GRIP1: variants seen among roughly 807,000 people sequenced by gnomAD.
GRIP1 encodes the protein glutamate receptor interacting protein 1, also known as glutamate receptor-interacting protein 1.
Under a neutral mutation model 129.9 loss-of-function variants are expected in GRIP1, and 45 were observed. The ratio of observed to expected loss-of-function variants is 0.35; its 90% CI spans 0.27 to 0.44. The LOEUF is 0.44. GRIP1 is among the 20% of genes least tolerant of loss of function. The pLI is 1.00. For missense variants in GRIP1, 1,196 were observed against 1,396.8 expected, an observed-to-expected ratio of 0.86 and a Z score of 2.29; for synonymous variants, 530 against 520.8, an observed-to-expected ratio of 1.02 and a Z score of -0.24.
At chr12:66,820,725 C>T (rs928504607) in intron 1 of GRIP1, among the ~76,000 whole-genome samples, 1 of 151,636 alleles carries the variant, frequency 6.6e-6, no homozygotes, top group Non-Finnish European at 1.5e-5. Context: ...AAATTCAATG[C>T]TATTACTAAG....
chr12:66,802,288 G>A (rs950694176), intron 1 of GRIP1, among the ~76,000 whole-genome samples: 1 of 152,082 alleles, frequency 6.6e-6, no homozygotes, highest in Non-Finnish European at 1.5e-5. Context: ...TACATAATGG[G>A]TATGTTCTGA....
intron 1 of GRIP1, among the ~76,000 whole-genome samples, chr12:66,958,556 G>A (rs926228039): frequency 1.3e-5 from 2 of 152,164 alleles, no homozygotes; most frequent in Non-Finnish European, 2.9e-5. Flanking sequence ...TTGGAGAATG[G>A]TATTAGGAAC....
At chr12:66,572,520 A>G (rs911701339) in intron 2 of GRIP1, among the ~76,000 whole-genome samples, 2 of 152,178 alleles carry the variant, frequency 1.3e-5, no homozygotes, top group African/African-American at 4.8e-5. Flanking sequence ...CCATTTTTAC[A>G]CAGGTGAAAT....
intron 2 of GRIP1, among the ~76,000 whole-genome samples, chr12:66,591,327 A>G (rs2063838966): frequency 6.6e-6 from 1 of 152,178 alleles, no homozygotes; most frequent in Admixed American, 6.5e-5. Context: ...TCGTAAACAT[A>G]ATTTTAGGTT....
intron 1 of GRIP1, among the ~76,000 whole-genome samples, chr12:67,040,431 G>T (rs761399049): frequency 6.6e-6 from 1 of 152,162 alleles, no homozygotes; most frequent in South Asian, 2.1e-4. Flanking sequence ...TTCCCACAAA[G>T]ACATAAATCC....
intron 20 of GRIP1, among the ~76,000 whole-genome samples, chr12:66,377,875 C>T (rs2055887578): frequency 6.6e-6 from 1 of 152,008 alleles, no homozygotes. Context: ...CCACATGGCC[C>T]TGTTGGAATG....
intron 1 of GRIP1, among the ~76,000 whole-genome samples, chr12:66,761,730 C>T (rs2037482564): frequency 6.6e-6 from 1 of 152,216 alleles, no homozygotes. Context: ...AGCTTCAACA[C>T]AGCAGTCTCG....
At chr12:66,657,604 C>T (rs1471995504) in intron 1 of GRIP1, among the ~76,000 whole-genome samples, 1 of 152,192 alleles carries the variant, frequency 6.6e-6, no homozygotes, top group Non-Finnish European at 1.5e-5. Flanking sequence ...TGTTATTAGA[C>T]TTAAAAGTAG....
chr12:66,378,939 T>C (rs2055958056), intron 20 of GRIP1, among the ~76,000 whole-genome samples: 1 of 150,824 alleles, frequency 6.6e-6, no homozygotes, highest in South Asian at 2.1e-4. Context: ...AGAGTGAGAC[T>C]CTGTCTCAAA....
At chr12:66,593,128 T>G (rs2063906447) in intron 2 of GRIP1, among the ~76,000 whole-genome samples, 1 of 152,202 alleles carries the variant, frequency 6.6e-6, no homozygotes, top group Non-Finnish European at 1.5e-5. Flanking sequence ...AATCCTTTTA[T>G]TCTTACATTT....
chr12:67,040,431 G>C (rs761399049), intron 1 of GRIP1, among the ~76,000 whole-genome samples: 3 of 152,162 alleles, frequency 2.0e-5, no homozygotes, highest in Non-Finnish European at 4.4e-5. Context: ...TTCCCACAAA[G>C]ACATAAATCC....
At chr12:66,787,471 C>A (rs1169733305) in intron 1 of GRIP1, among the ~76,000 whole-genome samples, 2 of 152,116 alleles carry the variant, frequency 1.3e-5, no homozygotes, top group East Asian at 3.9e-4. Context: ...TTCCACTGTG[C>A]CCCCTCCCCT....
intron 11 of GRIP1, among the ~76,000 whole-genome samples, chr12:66,448,460 T>C (rs73317232): frequency 0.077 from 11,730 of 152,228 alleles, 1,254 homozygotes; most frequent in African/African-American, 0.24. Flanking sequence ...TACTTATTTC[T>C]GGGTCCTTAC....
chr12:66,882,883 T>C (rs1254552805), intron 1 of GRIP1, among the ~76,000 whole-genome samples: 1 of 152,178 alleles, frequency 6.6e-6, no homozygotes, highest in Non-Finnish European at 1.5e-5. Flanking sequence ...CTTTAAATAC[T>C]TGGTCTGCTC....
intron 1 of GRIP1, among the ~76,000 whole-genome samples, chr12:66,767,581 A>T (rs2037682227): frequency 6.6e-6 from 1 of 151,838 alleles, no homozygotes; most frequent in Non-Finnish European, 1.5e-5. Flanking sequence ...TTAAAAAAAA[A>T]AAAAGGCTTT....
chr12:66,838,116 G>C (rs1490333731), intron 1 of GRIP1, among the ~76,000 whole-genome samples: 1 of 150,932 alleles, frequency 6.6e-6, no homozygotes. Flanking sequence ...AACCCGGAAG[G>C]CAGGGTTGCA....
intron 1 of GRIP1, among the ~76,000 whole-genome samples, chr12:67,004,019 G>A (rs927664976): frequency 2.0e-5 from 3 of 152,248 alleles, no homozygotes; most frequent in South Asian, 2.1e-4. Context: ...TGATGCCTCC[G>A]TCTTCACATC....
At chr12:67,009,619 G>A (rs565007385) in intron 1 of GRIP1, among the ~76,000 whole-genome samples, 1 of 152,256 alleles carries the variant, frequency 6.6e-6, no homozygotes, top group South Asian at 2.1e-4. Context: ...TTCAAAGACT[G>A]ACCATAGACT....
intron 7 of GRIP1, among the ~76,000 whole-genome samples, chr12:66,499,261 G>A (rs183759245): frequency 7.7e-4 from 117 of 152,216 alleles, no homozygotes; most frequent in African/African-American, 2.7e-3. Flanking sequence ...TGTCATCACA[G>A]CCCTTTCAGT....
Sources: allele counts gnomAD v4.1 joint callset (sites outside exome capture counted in the v4.1 genomes callset), GRCh38; gene constraint gnomAD v4.1.1; transcripts MANE v1.5; gene names NCBI Gene and HGNC (gene_info 2026-07-23, HGNC 2026-07-21).